MAPK14: variants seen among roughly 807,000 people sequenced by gnomAD.
MAPK14 encodes mitogen-activated protein kinase 14, also known as CSAID-binding protein.
In MAPK14, 16 loss-of-function variants were observed where a neutral mutation model predicts 49.6. The ratio of observed to expected loss-of-function variants is 0.32; its 90% CI spans 0.22 to 0.49. MAPK14 has a LOEUF of 0.49. Ranked by LOEUF, MAPK14 falls within the 20% of genes least tolerant of loss-of-function variation. The pLI is 0.99. For synonymous variants in MAPK14, 142 were observed against 158.0 expected, an observed-to-expected ratio of 0.90 and a Z score of 0.76; for missense variants, 200 against 441.2, an observed-to-expected ratio of 0.45 and a Z score of 4.90.
intron 3 of MAPK14, among the ~76,000 whole-genome samples, chr6:36,059,690 T>G (rs968153946): frequency 4.0e-5 from 6 of 148,306 alleles, no homozygotes; most frequent in South Asian, 2.1e-4. Flanking sequence ...TGTTGTTGTT[T>G]TTGTTTTAAA....
At chr6:36,042,629 A>G (rs1298166924) in intron 1 of MAPK14, among the ~76,000 whole-genome samples, 4 of 151,106 alleles carry the variant, frequency 2.6e-5, no homozygotes, top group Non-Finnish European at 5.9e-5. Context: ...AGTAGCTGAG[A>G]CTACAGGTGT....
At chr6:36,044,454 C>G (rs559645194) in intron 1 of MAPK14, among the ~76,000 whole-genome samples, 6 of 152,120 alleles carry the variant, frequency 3.9e-5, no homozygotes, top group African/African-American at 1.4e-4. Context: ...AAGAGGTTGT[C>G]TCCCTTTCTC....
chr6:36,048,037 AATTT>A (rs993835503), intron 1 of MAPK14, among the ~76,000 whole-genome samples: 2 of 138,738 alleles, frequency 1.4e-5, no homozygotes, highest in Non-Finnish European at 3.1e-5. Flanking sequence ...CCTAATTTTT[AATTT>A]ATTTATTATT....
chr6:36,097,047 G>T (rs1268104197), intron 9 of MAPK14: 2 of 152,226 alleles, frequency 1.3e-5, no homozygotes, highest in Admixed American at 6.5e-5. Context: ...TGGGAAGATG[G>T]CTGGGTAGCT....
chr6:36,039,570 C>G (rs1473862229), intron 1 of MAPK14, among the ~76,000 whole-genome samples: 1 of 152,054 alleles, frequency 6.6e-6, no homozygotes, highest in Non-Finnish European at 1.5e-5. Flanking sequence ...AGACACCACA[C>G]AATCTGAGCA....
In MAPK14 at chr6:36,028,019, T is replaced by A; in HGVS notation, c.-139T>A. On this transcript the variant is annotated 5_prime_UTR_variant, in exon 1 of 12. Transcript: ENST00000229794. The surrounding 1 kb of genome is among the most constrained non-coding windows in gnomAD (Gnocchi z 5.1). The stretch of plus-strand genomic sequence containing the variant: ...GCCGCGCGCGCGGGAGTCTGCGGGG[T>A]CGCGGCAGCCGCACCTGCGCGGGCG... 2 of 465,824 alleles carry A rather than the reference T, an allele frequency of 4.3e-6. No homozygotes were observed. The highest frequency in any genetic ancestry group is 7.5e-6 in the Non-Finnish European group (2 of 266,780). The allele number at this position is 465,824 out of a possible 1,614,324, so 28.9% of individuals were successfully genotyped here.
chr6:36,052,483 T>G (rs1763440081), intron 1 of MAPK14, among the ~76,000 whole-genome samples: 1 of 152,216 alleles, frequency 6.6e-6, no homozygotes, highest in Admixed American at 6.5e-5. Context: ...TGACTTCTGA[T>G]TTAGATACAT....
rs1274542231 is a variant in MAPK14, at chr6:36,051,688, G to A, written c.117-1011G>A. On this transcript the variant is annotated intron_variant, in intron 1 of 11. Coordinates refer to ENST00000229794, the MANE Select transcript of MAPK14 (RefSeq NM_139012.3). ...CTGGATCCAGACTCCCTGCTCTGCCGCTTTTAAGCTTTGTGACCGTGGTCA... is the reference window on the plus strand; with the variant it reads ...CTGGATCCAGACTCCCTGCTCTGCCACTTTTAAGCTTTGTGACCGTGGTCA... Among the ~76,000 whole-genome samples the A allele has an allele frequency of 3.3e-5, 5 of 152,162 alleles. No homozygotes were observed. In the South Asian group the frequency reaches 8.3e-4, roughly 25 times the overall value.
intron 8 of MAPK14, among the ~76,000 whole-genome samples, chr6:36,090,375 A>G: frequency 6.6e-6 from 1 of 151,650 alleles, no homozygotes; most frequent in African/African-American, 2.4e-5. Flanking sequence ...CTAGGCTGGA[A>G]TGCAGTGGCG....
chr6:36,120,591 G>A, the MAPK14 span, among the ~76,000 whole-genome samples: 1 of 152,088 alleles, frequency 6.6e-6, no homozygotes, highest in African/African-American at 2.4e-5. Context: ...GCGGTGATAA[G>A]TGTGTATCCC....
intron 8 of MAPK14, among the ~76,000 whole-genome samples, chr6:36,088,454 G>T (rs1446441901): frequency 6.6e-6 from 1 of 152,186 alleles, no homozygotes; most frequent in African/African-American, 2.4e-5. Flanking sequence ...CAGGCACAGT[G>T]ACTCATGCCT....
chr6:36,117,398 C>T, the MAPK14 span, among the ~76,000 whole-genome samples: 1 of 152,198 alleles, frequency 6.6e-6, no homozygotes, highest in Admixed American at 6.5e-5. Context: ...CTCTCTAGAA[C>T]CCTCTTCCTC....
At chr6:36,061,139 A>T (rs1013501813) in intron 3 of MAPK14, among the ~76,000 whole-genome samples, 1 of 152,226 alleles carries the variant, frequency 6.6e-6, no homozygotes, top group Non-Finnish European at 1.5e-5. Context: ...ATGCTGAAGT[A>T]ATGTGTTTGT....
chr6:36,057,980 C>G (rs534107331), intron 2 of MAPK14, among the ~76,000 whole-genome samples: 68 of 152,132 alleles, frequency 4.5e-4, no homozygotes, highest in African/African-American at 1.5e-3. Flanking sequence ...AATGAATGGC[C>G]TGGGTTTTAA....
downstream of MAPK14, among the ~76,000 whole-genome samples, chr6:36,111,753 G>A (rs1311645051): frequency 2.6e-5 from 4 of 152,146 alleles, no homozygotes; most frequent in South Asian, 4.1e-4. Context: ...TGAGGATATT[G>A]AGAGCTGGGT....
intron 3 of MAPK14, among the ~76,000 whole-genome samples, chr6:36,070,364 G>C (rs949878012): frequency 1.3e-5 from 2 of 152,198 alleles, no homozygotes; most frequent in African/African-American, 4.8e-5. Context: ...ACCTTGAGTA[G>C]ATGGCTTATC....
Position 36,042,881 on chromosome 6 carries a change from A to C in MAPK14, c.117-9818A>C, listed in dbSNP as rs377618354. ...GCAATCCCAGCACTTTGGCAGGCTG[A>C]GGCAGGTGAATTACTTGAGCTCAGG... On this transcript the variant is annotated intron_variant, in intron 1 of 11. Coordinates refer to ENST00000229794, the MANE Select transcript of MAPK14 (RefSeq NM_139012.3). 1.2e-3 allele frequency among the ~76,000 whole-genome samples: 180 copies of C among 149,866 alleles called. 3 individuals carry two copies. In the South Asian group the frequency reaches 0.036, roughly 30 times the overall value.
At chr6:36,112,928 G>A (rs1373487354), downstream of MAPK14, among the ~76,000 whole-genome samples, 1 of 152,114 alleles carries the variant, frequency 6.6e-6, no homozygotes, top group Non-Finnish European at 1.5e-5. Context: ...TAAATACATT[G>A]GCTTCAGGTA....
intron 3 of MAPK14, among the ~76,000 whole-genome samples, chr6:36,065,394 G>T (rs1323487540): frequency 6.6e-6 from 1 of 151,926 alleles, no homozygotes; most frequent in Non-Finnish European, 1.5e-5. Flanking sequence ...CTTCAGGAAA[G>T]CCTCTGCAAA....
Sources: allele counts gnomAD v4.1 joint callset (sites outside exome capture counted in the v4.1 genomes callset), GRCh38; gene constraint gnomAD v4.1.1; non-coding constraint Gnocchi (gnomAD v3.1); transcripts MANE v1.5; gene names NCBI Gene and HGNC (gene_info 2026-07-23, HGNC 2026-07-21).